The following FTO variants were observed in gnomAD, a reference collection of about 807,000 sequenced individuals.
FTO encodes the protein FTO alpha-ketoglutarate dependent dioxygenase.
A neutral mutation model predicts 63.9 loss-of-function variants in FTO; 47 were observed. The ratio of observed to expected loss-of-function variants is 0.74; its 90% CI spans 0.58 to 0.94. The LOEUF is 0.94. Among genes scored for constraint, FTO ranks in the 40% least tolerant of loss-of-function variants. FTO has a pLI of 0.00. For synonymous variants in FTO, 207 were observed against 224.4 expected, an observed-to-expected ratio of 0.92 and a Z score of 0.69; for missense variants, 562 against 618.1, an observed-to-expected ratio of 0.91 and a Z score of 0.96.
chr16:54,008,622 T>A (rs1161385406), intron 8 of FTO: 1 of 151,978 alleles, frequency 6.6e-6, no homozygotes, highest in East Asian at 1.9e-4. Context: ...AAGTTACTGA[T>A]ATTGTTTGAC....
Position 53,815,028 on chromosome 16 carries a change from G to A in FTO, c.123+4811G>A, listed in dbSNP as rs77322875. ...GGTATACTTGACAGGAAAAGCACCCGAGGCCAACATACCTGGAGCAGAGGG... is the reference window on the plus strand; with the variant it reads ...GGTATACTTGACAGGAAAAGCACCCAAGGCCAACATACCTGGAGCAGAGGG... On this transcript the variant is annotated intron_variant, in intron 2 of 8. Transcript: ENST00000471389. Among the ~76,000 whole-genome samples, 26 of 152,076 alleles carry A rather than the reference G, an allele frequency of 1.7e-4. No homozygotes were observed. The East Asian group carries it at 3.9e-3, about 23-fold the overall frequency.
At chr16:54,060,957 T>A (rs2085555643) in intron 8 of FTO, among the ~76,000 whole-genome samples, 1 of 152,182 alleles carries the variant, frequency 6.6e-6, no homozygotes, top group Non-Finnish European at 1.5e-5. Context: ...GAGATAACCA[T>A]TTTCATCTCT....
chr16:53,780,420 C>T (rs891115155), intron 1 of FTO, among the ~76,000 whole-genome samples: 7 of 152,126 alleles, frequency 4.6e-5, no homozygotes, highest in Non-Finnish European at 7.3e-5. Context: ...TTCCCTCTAC[C>T]GCATCACTAG....
chr16:53,888,990 C>T (rs749626121), intron 7 of FTO, 39 bp downstream of exon 7: 3 of 1,609,048 alleles, frequency 1.9e-6, no homozygotes, highest in Non-Finnish European at 2.6e-6. Flanking sequence ...TTCTGGGCTG[C>T]TGTGTTATAC....
In FTO at chr16:54,082,103, A is replaced by C. The variant is rs114101476; in HGVS notation, c.1365-29659A>C. Among the ~76,000 whole-genome samples, 1,200 of 152,282 alleles carry C rather than the reference A, an allele frequency of 7.9e-3. 22 individuals carry two copies. The highest frequency in any genetic ancestry group is 0.027 in the African/African-American group (1,138 of 41,556). ...AAAATTACTCCAGTCAGATTCTCCT[A>C]CTTAAATATTCATGAAGATGTTATG... On this transcript the variant is annotated intron_variant, in intron 8 of 8. Coordinates refer to ENST00000471389, the MANE Select transcript of FTO (RefSeq NM_001080432.3).
At chr16:54,087,419 A>G (rs2086275594) in intron 8 of FTO, among the ~76,000 whole-genome samples, 1 of 152,136 alleles carries the variant, frequency 6.6e-6, no homozygotes, top group Non-Finnish European at 1.5e-5. Context: ...AAGGTGAGAT[A>G]GACAATCAAA....
chr16:54,018,579 A>G (rs1380993668), intron 8 of FTO, among the ~76,000 whole-genome samples: 1 of 152,136 alleles, frequency 6.6e-6, no homozygotes, highest in Admixed American at 6.6e-5. Flanking sequence ...CCCACGTGTG[A>G]TGGGAGAGAC....
intron 8 of FTO, among the ~76,000 whole-genome samples, chr16:53,964,582 A>G (rs907650971): frequency 6.6e-6 from 1 of 152,198 alleles, no homozygotes. Flanking sequence ...AAAAGTGTCC[A>G]TGTTCTTTCC....
chr16:54,062,272 A>G (rs1415333005), intron 8 of FTO, among the ~76,000 whole-genome samples: 1 of 152,214 alleles, frequency 6.6e-6, no homozygotes, highest in Non-Finnish European at 1.5e-5. Context: ...GAAAATGACA[A>G]CATTCAAATC....
chr16:53,944,377 T>A (rs558003769), intron 8 of FTO, among the ~76,000 whole-genome samples: 2 of 152,254 alleles, frequency 1.3e-5, no homozygotes, highest in African/African-American at 4.8e-5. Flanking sequence ...CATTCCCCAA[T>A]TGTGTTGGCT....
chr16:53,816,590 G>T (rs2078697456), intron 2 of FTO, among the ~76,000 whole-genome samples: 1 of 150,172 alleles, frequency 6.7e-6, no homozygotes, highest in South Asian at 2.1e-4. Flanking sequence ...TGCACTGAAT[G>T]TTCCCTCAAC....
At chr16:53,830,624 G>C (rs1466561881) in intron 3 of FTO, among the ~76,000 whole-genome samples, 1 of 152,198 alleles carries the variant, frequency 6.6e-6, no homozygotes, top group Non-Finnish European at 1.5e-5. Flanking sequence ...AGGCAGCTGG[G>C]CGCGGAGGCT....
intron 8 of FTO, among the ~76,000 whole-genome samples, chr16:53,943,322 G>T (rs1282031551): frequency 6.6e-6 from 1 of 152,098 alleles, no homozygotes; most frequent in African/African-American, 2.4e-5. Flanking sequence ...CAGTTTTATG[G>T]GGGACAAAAG....
At chr16:53,734,809 G>A (rs1314989663) in intron 1 of FTO, among the ~76,000 whole-genome samples, 1 of 152,204 alleles carries the variant, frequency 6.6e-6, no homozygotes, top group Non-Finnish European at 1.5e-5. Flanking sequence ...TCATGTAACT[G>A]TGTTCAGGGT....
At chr16:53,815,482 G>C (rs1598734152) in intron 2 of FTO, among the ~76,000 whole-genome samples, 1 of 151,952 alleles carries the variant, frequency 6.6e-6, no homozygotes, top group East Asian at 1.9e-4. Flanking sequence ...CGCAGTTTTA[G>C]CATCCTCCTG....
At chr16:53,924,422 G>T (rs1228356917) in intron 7 of FTO, among the ~76,000 whole-genome samples, 1 of 152,200 alleles carries the variant, frequency 6.6e-6, no homozygotes, top group Non-Finnish European at 1.5e-5. Context: ...GAGTCATGTG[G>T]TGAACTCTGC....
intron 3 of FTO, among the ~76,000 whole-genome samples, chr16:53,841,496 C>G (rs1337938071): frequency 1.3e-5 from 2 of 152,068 alleles, no homozygotes; most frequent in Non-Finnish European, 2.9e-5. Flanking sequence ...GAAAGAGTAT[C>G]CAAAGTCAGA....
intron 8 of FTO, among the ~76,000 whole-genome samples, chr16:54,108,217 T>A (rs2086799256): frequency 6.6e-6 from 1 of 152,352 alleles, no homozygotes; most frequent in Non-Finnish European, 1.5e-5. Context: ...CAAGAGACTA[T>A]GTAGAGTATT....
At chr16:53,997,651 T>C (rs8046658) in intron 8 of FTO, among the ~76,000 whole-genome samples, 74,994 of 149,404 alleles carry the variant, frequency 0.5, 20,182 homozygotes, top group African/African-American at 0.69. Flanking sequence ...ATGAGAGAAA[T>C]AGAACATTCA....
Sources: allele counts gnomAD v4.1 joint callset (sites outside exome capture counted in the v4.1 genomes callset), GRCh38; gene constraint gnomAD v4.1.1; transcripts MANE v1.5; gene names NCBI Gene and HGNC (gene_info 2026-07-23, HGNC 2026-07-21).